PPP6R3: variants seen among roughly 807,000 people sequenced by gnomAD.
PPP6R3 encodes the protein protein phosphatase 6 regulatory subunit 3.
PPP6R3 carries 38 observed loss-of-function variants against 110.7 expected under a neutral mutation model. The ratio of observed to expected loss-of-function variants is 0.34; its 90% CI spans 0.26 to 0.45. The LOEUF (loss-of-function observed/expected upper bound fraction) is 0.45. PPP6R3 is among the 20% of genes least tolerant of loss of function. The probability of loss-of-function intolerance (pLI) is 1.00; values close to 1 mark genes in which losing one functional copy is unlikely to be tolerated. For synonymous variants in PPP6R3, 369 were observed against 373.5 expected (o/e 0.99, Z 0.14); for missense variants, 870 against 1,062.4 (o/e 0.82, Z 2.52).
At chr11:68,479,611 A>G (rs1324750746) in intron 1 of PPP6R3, among the ~76,000 whole-genome samples, 1 of 152,166 alleles carries the variant, frequency 6.6e-6, no homozygotes, top group Non-Finnish European at 1.5e-5. Flanking sequence ...GTTTCTCTGC[A>G]GGTCATCTCT....
chr11:68,462,900 C>T (rs2098718474), intron 1 of PPP6R3, among the ~76,000 whole-genome samples: 1 of 152,098 alleles, frequency 6.6e-6, no homozygotes, highest in African/African-American at 2.4e-5. Context: ...AACTTAAGGA[C>T]AGGAAGAAGA....
intron 14 of PPP6R3, among the ~76,000 whole-genome samples, chr11:68,580,188 G>T (rs1043328535): frequency 7.9e-5 from 12 of 152,150 alleles, no homozygotes; most frequent in African/African-American, 2.9e-4. Flanking sequence ...ATGTTGTCCC[G>T]TGTGGATGTA....
chr11:68,563,963 C>T (rs967189176), intron 8 of PPP6R3, among the ~76,000 whole-genome samples: 1 of 152,150 alleles, frequency 6.6e-6, no homozygotes, highest in African/African-American at 2.4e-5. Flanking sequence ...TTGGGGTGCC[C>T]TATAATCCAG....
chr11:68,479,381 C>T lies in PPP6R3; in HGVS notation c.-158+18554C>T, dbSNP rs957643397. ...CATGAGGTCAAGGTGGAATTTTTTA[C>T]TTGTGGTATTAAAAATGTTTGGATT... On this transcript the variant is annotated intron_variant, in intron 1 of 23. Transcript: ENST00000393800. Among the ~76,000 whole-genome samples, 16 of 152,094 alleles carry T rather than the reference C, an allele frequency of 1.1e-4. 1 individual carries two copies. The highest frequency in any genetic ancestry group is 1.0e-3 in the Admixed American group (16 of 15,282).
At chr11:68,606,261 G>A (rs1000678064) in intron 22 of PPP6R3, among the ~76,000 whole-genome samples, 4 of 152,042 alleles carry the variant, frequency 2.6e-5, no homozygotes, top group Admixed American at 2.6e-4. Flanking sequence ...AGTAACAGAA[G>A]TGAATTTATT....
intron 1 of PPP6R3, among the ~76,000 whole-genome samples, chr11:68,467,734 A>G (rs2098758577): frequency 6.6e-6 from 1 of 152,154 alleles, no homozygotes; most frequent in Non-Finnish European, 1.5e-5. Flanking sequence ...CGTGAGAATC[A>G]TGGTTTTGGG....
chr11:68,480,934 T>G (rs1230251486), intron 1 of PPP6R3, among the ~76,000 whole-genome samples: 1 of 152,190 alleles, frequency 6.6e-6, no homozygotes, highest in Non-Finnish European at 1.5e-5. Context: ...ATGGGAATGA[T>G]TTCAAGGATA....
intron 9 of PPP6R3, 143 bp from the exon 10 acceptor site, chr11:68,566,871 C>A: frequency 1.7e-6 from 1 of 585,338 alleles, no homozygotes; most frequent in Non-Finnish European, 2.8e-6. Flanking sequence ...TTAAAGATAT[C>A]AAGAGCAGCT....
chr11:68,532,055 A>G (rs1232447780), intron 2 of PPP6R3, among the ~76,000 whole-genome samples: 2 of 152,210 alleles, frequency 1.3e-5, no homozygotes, highest in Non-Finnish European at 2.9e-5. Context: ...TCTACCTCTT[A>G]TAAATAATTT....
chr11:68,461,759 C>T (rs2098709584), intron 1 of PPP6R3, among the ~76,000 whole-genome samples: 1 of 152,082 alleles, frequency 6.6e-6, no homozygotes, highest in Non-Finnish European at 1.5e-5. Context: ...GGAGGGGGTG[C>T]TTGACAGGCG....
chr11:68,522,957 G>T (rs1318317736), intron 2 of PPP6R3, among the ~76,000 whole-genome samples: 1 of 152,124 alleles, frequency 6.6e-6, no homozygotes, highest in Non-Finnish European at 1.5e-5. Context: ...TTACTCACTT[G>T]GGACTGCTAC....
Position 68,603,387 on chromosome 11 carries a change from A to T in PPP6R3, c.2345A>T (p.Asp782Val), listed in dbSNP as rs1458617844. Reference protein sequence around the residue: ...AMEASSDGEEDAESTDKVTET... With the variant: ...AMEASSDGEEVAESTDKVTET... The stretch of plus-strand genomic sequence containing the variant: ...GAAGCCAGCTCTGACGGAGAGGAGG[A>T]TGCAGAAAGTACAGACAAGGTAACT... Residue 782 changes from aspartate (D) to valine (V), a missense_variant, in exon 22 of 24, where the codon GAT (aspartate) becomes GTT (valine). Asp to Val is a radical substitution (Grantham distance 152). Transcript: ENST00000393800. 5 of 1,614,024 alleles carry T rather than the reference A, an allele frequency of 3.1e-6. No homozygotes were observed.
chr11:68,576,089 C>T (rs2099530249), intron 14 of PPP6R3, 46 bp downstream of exon 14: 1 of 1,372,976 alleles, frequency 7.3e-7, no homozygotes, highest in Non-Finnish European at 1.0e-6. Flanking sequence ...TGCTCTTAGC[C>T]TTTGCCCATT....
chr11:68,558,516 G>T lies in PPP6R3; in HGVS notation c.732-50G>T. On this transcript the variant is annotated intron_variant, in intron 7 of 23. Transcript: ENST00000393800. ...TACCGTCGTCTTTTTTTCTGAGGTT[G>T]TTGGTGATAAGTGATACTGCAGTTA... 7 of 1,199,106 alleles carry T rather than the reference G, an allele frequency of 5.8e-6. No individual in the cohort carries two copies. In the Admixed American group the frequency reaches 7.7e-5, roughly 13 times the overall value. 74.3% of individuals were successfully genotyped at this position (1,199,106 alleles called of 1,614,324 possible).
intron 2 of PPP6R3, among the ~76,000 whole-genome samples, chr11:68,528,386 T>C (rs2099212472): frequency 7.0e-6 from 1 of 142,588 alleles, no homozygotes; most frequent in South Asian, 2.4e-4. Context: ...TCTAAAGAAA[T>C]ATATTGACTC....
chr11:68,548,237 G>T (rs779062257), intron 5 of PPP6R3, 33 bp downstream of exon 5: 1 of 1,612,076 alleles, frequency 6.2e-7, no homozygotes, highest in South Asian at 1.1e-5. Flanking sequence ...GTTGACTGGG[G>T]TTAGGGTGCT....
intron 14 of PPP6R3, among the ~76,000 whole-genome samples, chr11:68,582,443 G>C (rs560983596): frequency 6.6e-6 from 1 of 152,200 alleles, no homozygotes; most frequent in African/African-American, 2.4e-5. Flanking sequence ...AAAGTTGGTT[G>C]TAAGTTCTGG....
chr11:68,506,447 AAT>A (rs1465175505), intron 1 of PPP6R3, among the ~76,000 whole-genome samples: 4 of 143,310 alleles, frequency 2.8e-5, no homozygotes, highest in African/African-American at 7.8e-5. Context: ...AAAAAAAAAA[AAT>A]TCCTAACTGT....
Position 68,545,030 on chromosome 11 carries a change from T to C in PPP6R3, c.414+6T>C. 6.3e-7 allele frequency: 1 copy of C among 1,585,170 alleles called. No homozygotes were observed. Reference sequence around the variant, plus strand: ...TCAGCAGAAAACCAGAACAGGTAAATATGATTTTCCAAAAGGTAAGTATTA... The same window carrying C: ...TCAGCAGAAAACCAGAACAGGTAAACATGATTTTCCAAAAGGTAAGTATTA... On this transcript the variant is annotated splice_donor_region_variant and intron_variant, in intron 4 of 23. Coordinates refer to ENST00000393800, the MANE Select transcript of PPP6R3 (RefSeq NM_001164161.2).
Sources: gnomAD v4.1 joint callset for allele counts (sites outside exome capture counted in the v4.1 genomes callset) on GRCh38, gnomAD v4.1.1 for gene constraint, MANE v1.5 for transcripts, NCBI Gene and HGNC (gene_info 2026-07-23, HGNC 2026-07-21) for gene names.